The following TRPC1 variants were observed in gnomAD, a reference collection of about 807,000 sequenced individuals.
TRPC1 encodes transient receptor potential cation channel subfamily C member 1.
In TRPC1, 42 loss-of-function variants were observed where a neutral mutation model predicts 88.2. That is an observed-to-expected ratio of 0.48 (90% CI 0.37 to 0.62). TRPC1 has a LOEUF of 0.62. Ranked by LOEUF, TRPC1 falls within the 20% of genes least tolerant of loss-of-function variation. The pLI, the probability that TRPC1 is intolerant of heterozygous loss-of-function variation, is 0.00. For synonymous variants in TRPC1, 288 were observed against 331.8 expected (o/e 0.87, Z 1.43); for missense variants, 699 against 957.3 (o/e 0.73, Z 3.56).
intron 1 of TRPC1, among the ~76,000 whole-genome samples, chr3:142,725,352 T>C (rs557127831): frequency 1.2e-3 from 189 of 152,346 alleles, no homozygotes; most frequent in Non-Finnish European, 2.0e-3. Flanking sequence ...AAACTTTCTC[T>C]GGATTTACGG....
At chr3:142,800,380 T>G (rs1054254099) in intron 9 of TRPC1, among the ~76,000 whole-genome samples, 1 of 152,208 alleles carries the variant, frequency 6.6e-6, no homozygotes, top group East Asian at 1.9e-4. Flanking sequence ...GGTTACTAGC[T>G]TGTGGCGTGC....
At chr3:142,740,805 G>A in intron 2 of TRPC1, among the ~76,000 whole-genome samples, 1 of 152,106 alleles carries the variant, frequency 6.6e-6, no homozygotes, top group East Asian at 1.9e-4. Flanking sequence ...GAAAACGAGT[G>A]GTAAGAGAAA....
chr3:142,789,693 A>G (rs1936238842), intron 7 of TRPC1, among the ~76,000 whole-genome samples: 1 of 152,230 alleles, frequency 6.6e-6, no homozygotes, highest in Non-Finnish European at 1.5e-5. Context: ...AATGTACCAT[A>G]AAATGATCCT....
chr3:142,793,921 T>C (rs1415950651), intron 9 of TRPC1: 1 of 984,724 alleles, frequency 1.0e-6, no homozygotes, highest in Non-Finnish European at 1.2e-6. Flanking sequence ...TCCTGAAGTG[T>C]GGCTCTCTTA....
At chr3:142,765,705 A>C (rs1577976419) in intron 4 of TRPC1, among the ~76,000 whole-genome samples, 1 of 152,166 alleles carries the variant, frequency 6.6e-6, no homozygotes, top group East Asian at 1.9e-4. Flanking sequence ...AATTTCAACA[A>C]AAACAAAAAT....
chr3:142,802,085 C>T (rs1300625962), intron 9 of TRPC1, 84 bp from the exon 10 acceptor site: 55 of 963,792 alleles, frequency 5.7e-5, no homozygotes, highest in Non-Finnish European at 7.8e-5. Context: ...TGTTTGTCTT[C>T]TTCCTTTTGT....
chr3:142,785,595 G>A (rs1183503332), intron 7 of TRPC1, among the ~76,000 whole-genome samples: 9 of 152,062 alleles, frequency 5.9e-5, no homozygotes, highest in African/African-American at 1.7e-4. Context: ...TCCGCCTCCC[G>A]GGTTCAAACG....
intron 1 of TRPC1, among the ~76,000 whole-genome samples, 157 bp from the exon 2 acceptor site, chr3:142,736,222 T>G (rs1934131884): frequency 6.6e-6 from 1 of 152,294 alleles, no homozygotes; most frequent in African/African-American, 2.4e-5. Context: ...GTATAAATTT[T>G]CATCAAGGAA....
intron 9 of TRPC1, among the ~76,000 whole-genome samples, chr3:142,798,665 GAC>G (rs1334941348): frequency 1.3e-5 from 2 of 152,166 alleles, no homozygotes; most frequent in Non-Finnish European, 2.9e-5. Context: ...GGCTAAAAAA[GAC>G]AGGCTGGGCT....
intron 4 of TRPC1, among the ~76,000 whole-genome samples, chr3:142,773,604 G>A (rs746924464): frequency 6.9e-6 from 1 of 145,460 alleles, no homozygotes; most frequent in Non-Finnish European, 1.5e-5. Flanking sequence ...TTTCCTTTAG[G>A]GGGTATGGGT....
At chr3:142,783,445 ACTTTAAAGTAT>A (rs1936027089) in intron 6 of TRPC1, among the ~76,000 whole-genome samples, 1 of 152,232 alleles carries the variant, frequency 6.6e-6, no homozygotes, top group Non-Finnish European at 1.5e-5. Context: ...CTTCCCATAT[ACTTTAAAGTAT>A]CTTTCAATTA....
chr3:142,791,114 C>T lies in TRPC1; in HGVS notation c.1393C>T (p.Leu465Phe), dbSNP rs777598282. 6.2e-7 allele frequency: 1 copy of T among 1,609,398 alleles called. No individual in the cohort carries two copies. Among genetic ancestry groups the T allele is most frequent in the South Asian group, 1.1e-5 (1 of 90,136 alleles). ...TCAACTCAGTTTTGTCATGAATTCT[C>T]TTTATTTGGCAACCTTTGCCCTCAA... ...RNQLSFVMNS[L>F]YLATFALKVV... The change falls in exon 8 of 13, where the codon CTT becomes TTT. Residue 465 changes from leucine to phenylalanine, a missense_variant. By Grantham distance (22) the Leu-to-Phe change is conservative. Coordinates refer to ENST00000476941, the MANE Select transcript of TRPC1 (RefSeq NM_001251845.2).
At chr3:142,756,080 G>A (rs1021045768) in intron 4 of TRPC1, among the ~76,000 whole-genome samples, 6 of 151,162 alleles carry the variant, frequency 4.0e-5, no homozygotes, top group Non-Finnish European at 8.8e-5. Flanking sequence ...TGTTTCATAT[G>A]TCAGTAATTC....
intron 9 of TRPC1, chr3:142,793,988 A>T (rs1336844346): frequency 1.3e-6 from 1 of 768,768 alleles, no homozygotes; most frequent in Admixed American, 6.3e-5. Flanking sequence ...TGTATACTGT[A>T]TACCTCTTGG....
At chr3:142,735,775 G>GGT (rs111288637) in intron 1 of TRPC1, among the ~76,000 whole-genome samples, 154 of 150,374 alleles carry the variant, frequency 1.0e-3, no homozygotes, top group Admixed American at 3.1e-3. Context: ...TTAATGAGAT[G>GGT]GTGTGTGTGT....
chr3:142,756,458 C>A (rs932673373), intron 4 of TRPC1, among the ~76,000 whole-genome samples: 2 of 151,122 alleles, frequency 1.3e-5, no homozygotes, highest in Admixed American at 6.6e-5. Flanking sequence ...CTCCCGGGTT[C>A]ACGCCATTCT....
chr3:142,742,094 C>G (rs375271531), intron 2 of TRPC1, among the ~76,000 whole-genome samples: 1 of 149,966 alleles, frequency 6.7e-6, no homozygotes, highest in East Asian at 2.0e-4. Context: ...ACCTGGGAGG[C>G]GGAGGTTGCA....
At chr3:142,743,334 C>T in intron 2 of TRPC1, 151 bp from the exon 3 acceptor site, 3 of 552,584 alleles carry the variant, frequency 5.4e-6, no homozygotes, top group Non-Finnish European at 6.2e-6. Context: ...AGCAAATGTA[C>T]TATTTGTACA....
chr3:142,780,791 G>A (rs778789267), intron 5 of TRPC1, 43 bp from the exon 6 acceptor site: 1 of 1,526,334 alleles, frequency 6.6e-7, no homozygotes, highest in East Asian at 2.3e-5. Flanking sequence ...TTAATTAGAA[G>A]ATGGAAACGA....
Sources: gnomAD v4.1 joint callset for allele counts (sites outside exome capture counted in the v4.1 genomes callset) on GRCh38, gnomAD v4.1.1 for gene constraint, MANE v1.5 for transcripts, NCBI Gene and HGNC (gene_info 2026-07-23, HGNC 2026-07-21) for gene names.